RAMP1: variants seen among roughly 807,000 people sequenced by gnomAD.
The protein encoded by RAMP1 is receptor activity modifying protein 1.
In RAMP1, 7 loss-of-function variants were observed where a neutral mutation model predicts 8.2. That is an observed-to-expected ratio of 0.85 (90% CI 0.49 to 1.60). The LOEUF (loss-of-function observed/expected upper bound fraction) is 1.60. Among genes scored for constraint, RAMP1 ranks in the 40% most tolerant of loss-of-function variants. The pLI, the probability that RAMP1 is intolerant of heterozygous loss-of-function variation, is 0.00. For synonymous variants in RAMP1, 92 were observed against 84.7 expected (o/e 1.09, Z -0.47); for missense variants, 192 against 202.4 (o/e 0.95, Z 0.31).
At position 237,861,347 on chromosome 2, in the gene RAMP1, A is replaced by C. The variant is rs59071821; in HGVS notation, c.52+1620A>C. 9.5e-3 allele frequency among the ~76,000 whole-genome samples: 1,445 copies of C among 152,308 alleles called. 23 individuals are homozygous for C. Among genetic ancestry groups the C allele is most frequent in the African/African-American group, 0.034 (1,396 of 41,562 alleles). On this transcript the variant is annotated intron_variant, in intron 1 of 2. Transcript: ENST00000254661. The stretch of plus-strand genomic sequence containing the variant: ...ATGAGGTTATCAGTAAATTAATGTC[A>C]TTGGAGCCCAGCTGTAATTAGTAGA...
At chr2:237,889,084 A>T (rs1026993182) in intron 2 of RAMP1, among the ~76,000 whole-genome samples, 1 of 152,186 alleles carries the variant, frequency 6.6e-6, no homozygotes. Flanking sequence ...TGAAGAATAT[A>T]TATATTAACT....
chr2:237,894,197 C>T (rs140263198), intron 2 of RAMP1, among the ~76,000 whole-genome samples: 91 of 152,158 alleles, frequency 6.0e-4, no homozygotes, highest in African/African-American at 2.1e-3. Flanking sequence ...TCTTGAACTC[C>T]TGACCTCAAG....
At chr2:237,864,405 G>A (rs181647510) in intron 1 of RAMP1, among the ~76,000 whole-genome samples, 11 of 152,372 alleles carry the variant, frequency 7.2e-5, no homozygotes, top group African/African-American at 1.7e-4. Context: ...CCTCTTCAAT[G>A]GACACTTGGT....
rs367669336 is a variant in RAMP1, at chr2:237,877,881, C to T, written c.191+519C>T. 277 of 894,944 alleles carry T rather than the reference C, an allele frequency of 3.1e-4. No homozygotes were observed. In the African/African-American group the frequency reaches 4.6e-3, roughly 15 times the overall value. The allele number at this position is 894,944 out of a possible 1,614,324, so 55.4% of individuals were successfully genotyped here. A position where few individuals can be genotyped will look rare whatever the true frequency, so the allele number is the denominator to read the frequency against. On this transcript the variant is annotated intron_variant, in intron 2 of 2. Coordinates refer to ENST00000254661, the MANE Select transcript of RAMP1 (RefSeq NM_005855.4). This position sits in a 1 kb window ranked among gnomAD's most constrained non-coding sequence, Gnocchi z 4.4. The stretch of plus-strand genomic sequence containing the variant: ...CAGCCGAACCCTTCCCCACCTGGCC[C>T]GATCCTCCTGCCCAAGGGCCCTTCT...
At chr2:237,896,436 G>T (rs905568091) in intron 2 of RAMP1, among the ~76,000 whole-genome samples, 3 of 152,190 alleles carry the variant, frequency 2.0e-5, no homozygotes, top group African/African-American at 7.2e-5. Flanking sequence ...AGGAGAAGGG[G>T]AGGGAGGCAG....
chr2:237,910,296 TAAC>T (rs2062696932), intron 2 of RAMP1, among the ~76,000 whole-genome samples: 3 of 131,032 alleles, frequency 2.3e-5, no homozygotes, highest in East Asian at 4.6e-4. Context: ...CCACAGACAA[TAAC>T]AAGTTACGCT....
chr2:237,864,178 G>C (rs1323331915), intron 1 of RAMP1, among the ~76,000 whole-genome samples: 1 of 152,130 alleles, frequency 6.6e-6, no homozygotes, highest in Admixed American at 6.5e-5. Context: ...CTCACTCCAG[G>C]GGGTGGGGTA....
At chr2:237,879,396 G>T (rs985925337) in intron 2 of RAMP1, among the ~76,000 whole-genome samples, 1 of 151,870 alleles carries the variant, frequency 6.6e-6, no homozygotes, top group Admixed American at 6.6e-5. Flanking sequence ...AATAACTAGC[G>T]CTGAGGCCAG....
chr2:237,891,178 C>G (rs1208447564), intron 2 of RAMP1, among the ~76,000 whole-genome samples: 1 of 105,230 alleles, frequency 9.5e-6, no homozygotes, highest in Non-Finnish European at 1.9e-5. Context: ...GAGACGGAGT[C>G]TCACTCTGTC....
chr2:237,894,021 G>A (rs1386250892), intron 2 of RAMP1, among the ~76,000 whole-genome samples: 3 of 142,190 alleles, frequency 2.1e-5, no homozygotes, highest in Non-Finnish European at 4.5e-5. Flanking sequence ...CCAGGCTGGA[G>A]TGCAGTGGCG....
chr2:237,908,068 A>G (rs2062670047), intron 2 of RAMP1, among the ~76,000 whole-genome samples: 2 of 152,208 alleles, frequency 1.3e-5, no homozygotes, highest in African/African-American at 4.8e-5. Context: ...TACCTCTAGC[A>G]ATGAGCTGTC....
intron 2 of RAMP1, among the ~76,000 whole-genome samples, chr2:237,900,947 G>C (rs1006659830): frequency 2.6e-5 from 4 of 152,264 alleles, no homozygotes; most frequent in African/African-American, 9.6e-5. Flanking sequence ...TCACTGCATC[G>C]GTTTATTAAC....
At chr2:237,902,125 G>C (rs1404790736) in intron 2 of RAMP1, among the ~76,000 whole-genome samples, 1 of 152,126 alleles carries the variant, frequency 6.6e-6, no homozygotes, top group Non-Finnish European at 1.5e-5. Context: ...AAGGCCGAGA[G>C]AGAAGGAGCA....
intron 1 of RAMP1, among the ~76,000 whole-genome samples, chr2:237,863,717 A>C (rs1254921356): frequency 6.8e-6 from 1 of 147,118 alleles, no homozygotes; most frequent in East Asian, 2.2e-4. Flanking sequence ...CAGATGTGGC[A>C]GGAGTGCAGG....
chr2:237,897,987 C>T (rs1335182758), intron 2 of RAMP1, among the ~76,000 whole-genome samples: 2 of 151,994 alleles, frequency 1.3e-5, no homozygotes, highest in South Asian at 2.1e-4. Flanking sequence ...TTAGTAGAGA[C>T]TGGGTTTCAC....
At chr2:237,885,295 G>A (rs946958705) in intron 2 of RAMP1, among the ~76,000 whole-genome samples, 1 of 152,184 alleles carries the variant, frequency 6.6e-6, no homozygotes, top group African/African-American at 2.4e-5. Context: ...ACCCCCACGA[G>A]GTCTCGGGAT....
intron 2 of RAMP1, 84 bp from the exon 3 acceptor site, chr2:237,911,444 G>T (rs2062711134): frequency 1.3e-6 from 2 of 1,540,890 alleles, no homozygotes; most frequent in Admixed American, 1.8e-5. Flanking sequence ...TGCATGAGGG[G>T]CCACGGTGCA....
chr2:237,868,603 A>G (rs973197857), intron 1 of RAMP1, among the ~76,000 whole-genome samples: 1 of 149,990 alleles, frequency 6.7e-6, no homozygotes, highest in South Asian at 2.1e-4. Flanking sequence ...AAAAAAAAAA[A>G]CAGTTCCTGA....
chr2:237,879,670 T>G (rs2062346583), intron 2 of RAMP1, among the ~76,000 whole-genome samples: 1 of 125,950 alleles, frequency 7.9e-6, no homozygotes, highest in African/African-American at 3.4e-5. Context: ...TGTGCACATG[T>G]GCCCTAGAAC....
Sources: allele counts gnomAD v4.1 joint callset (sites outside exome capture counted in the v4.1 genomes callset), GRCh38; gene constraint gnomAD v4.1.1; non-coding constraint Gnocchi (gnomAD v3.1); transcripts MANE v1.5; gene names NCBI Gene and HGNC (gene_info 2026-07-23, HGNC 2026-07-21).